MRPL22: variants seen among roughly 807,000 people sequenced by gnomAD.
The protein encoded by MRPL22 is mitochondrial ribosomal protein L22, also known as large ribosomal subunit protein uL22m.
MRPL22 carries 27 observed loss-of-function variants against 32.4 expected under a neutral mutation model. The observed-to-expected ratio is 0.83, with a 90% confidence interval of 0.61 to 1.15. MRPL22 has a LOEUF of 1.15. Among genes scored for constraint, MRPL22 ranks in the 50% most tolerant of loss-of-function variants. MRPL22 has a pLI of 0.00. For missense variants in MRPL22, 239 were observed against 260.2 expected, an observed-to-expected ratio of 0.92 and a Z score of 0.56; for synonymous variants, 86 against 87.3, an observed-to-expected ratio of 0.99 and a Z score of 0.08.
Position 154,964,652 on chromosome 5 carries a change from T to A in MRPL22, c.410-2034T>A, listed in dbSNP as rs141011185. The stretch of plus-strand genomic sequence containing the variant: ...GGCTTTAAGATATGCAGATGATCTT[T>A]TATGGCTTTAAGATGAAATCATGAC... On this transcript the variant is annotated intron_variant, in intron 6 of 6. Transcript: ENST00000523037. Among the ~76,000 whole-genome samples, 541 of 152,340 alleles carry A rather than the reference T, an allele frequency of 3.6e-3. 5 individuals are homozygous for A. The highest frequency in any genetic ancestry group is 0.011 in the African/African-American group (478 of 41,578).
rs1159521665 is a variant in MRPL22, at chr5:154,960,061, A to G, written c.409+12A>G. On this transcript the variant is annotated intron_variant, in intron 6 of 6. Coordinates refer to ENST00000523037, the MANE Select transcript of MRPL22 (RefSeq NM_014180.4). ...CAATTTATATATAGGTAAGATTTTTAATATTCTTAGCATTAGAAAATGTCT... is the reference window on the plus strand; with the variant it reads ...CAATTTATATATAGGTAAGATTTTTGATATTCTTAGCATTAGAAAATGTCT... 1 of 1,569,856 alleles carries G rather than the reference A, an allele frequency of 6.4e-7. No homozygotes were observed. Among genetic ancestry groups the G allele is most frequent in the Non-Finnish European group, 8.8e-7 (1 of 1,141,788 alleles).
At position 154,968,455 on chromosome 5, in the gene MRPL22, A is replaced by T. The variant is rs1764800427; in HGVS notation, c.*1558A>T. Reference sequence around the variant, plus strand: ...CTCTTCCCTTGCTGGCCTCCATTTCATTCATTTATGAAACAAGAGACTCAA... The same window carrying T: ...CTCTTCCCTTGCTGGCCTCCATTTCTTTCATTTATGAAACAAGAGACTCAA... On this transcript the variant is annotated 3_prime_UTR_variant, in exon 7 of 7. Transcript: ENST00000523037. The T allele has an allele frequency of 5.9e-5, 9 of 152,236 alleles. No individual in the cohort carries two copies. The highest frequency in any genetic ancestry group is 5.9e-4 in the Admixed American group (9 of 15,284). 9.4% of individuals were successfully genotyped at this position (152,236 alleles called of 1,614,324 possible). A position where few individuals can be genotyped will look rare whatever the true frequency, so the allele number is the denominator to read the frequency against.
At chr5:154,941,868 C>T (rs1195527479) in intron 2 of MRPL22, among the ~76,000 whole-genome samples, 2 of 152,072 alleles carry the variant, frequency 1.3e-5, no homozygotes, top group African/African-American at 4.8e-5. Context: ...TGTATTTCTC[C>T]CCAAAATAAA....
chr5:154,957,334 T>C, intron 5 of MRPL22, 122 bp downstream of exon 5: 1 of 733,770 alleles, frequency 1.4e-6, no homozygotes. Context: ...AAATGCATAC[T>C]TTATATAATA....
At chr5:154,949,241 T>G (rs1483615241) in intron 2 of MRPL22, among the ~76,000 whole-genome samples, 2 of 152,202 alleles carry the variant, frequency 1.3e-5, no homozygotes, top group Non-Finnish European at 2.9e-5. Flanking sequence ...TCTACACCTC[T>G]TCAGTGGAGA....
chr5:154,956,597 G>T, intron 4 of MRPL22, 161 bp downstream of exon 4: 1 of 574,810 alleles, frequency 1.7e-6, no homozygotes, highest in Non-Finnish European at 3.0e-6. Context: ...AGAGATGTAT[G>T]ATTTTCCTTA....
chr5:154,965,390 T>C (rs1388406571), intron 6 of MRPL22, among the ~76,000 whole-genome samples: 2 of 152,134 alleles, frequency 1.3e-5, no homozygotes, highest in Non-Finnish European at 2.9e-5. Flanking sequence ...CTCTGACTTA[T>C]TGTGGGTGAA....
chr5:154,953,681 C>CT (rs772873962), intron 3 of MRPL22, among the ~76,000 whole-genome samples: 5,618 of 107,014 alleles, frequency 0.052, 324 homozygotes, highest in African/African-American at 0.12. Flanking sequence ...CTAGTAAGAA[C>CT]TTTTTTTTTT....
intron 3 of MRPL22, among the ~76,000 whole-genome samples, chr5:154,952,688 A>T (rs942582481): frequency 2.1e-4 from 32 of 152,206 alleles, no homozygotes; most frequent in African/African-American, 7.7e-4. Flanking sequence ...TAAATACCTA[A>T]CTTACCAGAA....
In MRPL22 at chr5:154,963,231, G is replaced by A. The variant is rs558630046; in HGVS notation, c.409+3182G>A. On this transcript the variant is annotated intron_variant, in intron 6 of 6. Coordinates refer to ENST00000523037, the MANE Select transcript of MRPL22 (RefSeq NM_014180.4). Reference sequence around the variant, plus strand: ...TGGGATTACAGGCGTGAGCCACTGTGCCTGCCCTGAAAATATTGGCAATAT... The same window carrying A: ...TGGGATTACAGGCGTGAGCCACTGTACCTGCCCTGAAAATATTGGCAATAT... 6.4e-4 allele frequency among the ~76,000 whole-genome samples: 98 copies of A among 152,312 alleles called. 1 individual carries two copies. The highest frequency in any genetic ancestry group is 2.3e-3 in the African/African-American group (96 of 41,560).
intron 6 of MRPL22, among the ~76,000 whole-genome samples, chr5:154,961,330 A>C (rs914511050): frequency 2.6e-5 from 4 of 152,212 alleles, no homozygotes; most frequent in Non-Finnish European, 5.9e-5. Context: ...ATAATGTTGG[A>C]GAGGTCTTGG....
rs745779725 is a variant in MRPL22 at position 154,956,268 on chromosome 5, T to C, written c.196-103T>C. On this transcript the variant is annotated intron_variant, in intron 3 of 6. Coordinates refer to ENST00000523037, the MANE Select transcript of MRPL22 (RefSeq NM_014180.4). The stretch of plus-strand genomic sequence containing the variant: ...TCTATTTCTTATGGCAGCATTTTCT[T>C]TAGGCCTAGAAAGTAAAAACTTAAA... The C allele has an allele frequency of 1.2e-4, 84 of 722,200 alleles. 1 individual carries two copies. The highest frequency in any genetic ancestry group is 1.8e-4 in the Non-Finnish European group (76 of 423,086). 44.7% of individuals were successfully genotyped at this position (722,200 alleles called of 1,614,324 possible).
rs775409057 is a variant in MRPL22, at chr5:154,966,799, G to A, written c.523G>A (p.Gly175Arg). Reference sequence around the variant, plus strand: ...CCATTATTTTGTGAAGTTGGTGGAAGGGCCCCCACCTCCACCTGAGCCACC... The same window carrying A: ...CCATTATTTTGTGAAGTTGGTGGAAAGGCCCCCACCTCCACCTGAGCCACC... Reference protein sequence around the residue: ...YCHYFVKLVEGPPPPPEPPKT... With the variant: ...YCHYFVKLVERPPPPPEPPKT... The change falls in exon 7 of 7, where the codon GGG becomes AGG. Residue 175 changes from glycine (G) to arginine (R), a missense_variant. Gly to Arg is a moderately radical substitution (Grantham distance 125, BLOSUM62 -2). Coordinates refer to ENST00000523037, the MANE Select transcript of MRPL22 (RefSeq NM_014180.4). 3.1e-6 allele frequency: 5 copies of A among 1,614,082 alleles called. No individual in the cohort carries two copies. Among genetic ancestry groups the A allele is most frequent in the Non-Finnish European group, 4.2e-6 (5 of 1,180,048 alleles).
At chr5:154,948,415 C>A (rs1764519450) in intron 2 of MRPL22, among the ~76,000 whole-genome samples, 1 of 152,114 alleles carries the variant, frequency 6.6e-6, no homozygotes, top group African/African-American at 2.4e-5. Context: ...TTATTCAACC[C>A]TCTCTTTTTT....
At chr5:154,941,869 C>T (rs1053865164) in intron 2 of MRPL22, among the ~76,000 whole-genome samples, 5 of 152,104 alleles carry the variant, frequency 3.3e-5, no homozygotes, top group Non-Finnish European at 7.3e-5. Flanking sequence ...GTATTTCTCC[C>T]CAAAATAAAA....
chr5:154,941,392 C>A, intron 2 of MRPL22, 127 bp downstream of exon 2: 2 of 1,138,616 alleles, frequency 1.8e-6, no homozygotes, highest in Non-Finnish European at 2.5e-6. Flanking sequence ...AATGAGACAG[C>A]CCGAGTCTCT....
chr5:154,947,288 G>C (rs1012741545), intron 2 of MRPL22, among the ~76,000 whole-genome samples: 2 of 152,210 alleles, frequency 1.3e-5, no homozygotes, highest in African/African-American at 4.8e-5. Flanking sequence ...GCTCGACTCT[G>C]TAGCCTCAGC....
At chr5:154,961,610 A>C (rs1764701712) in intron 6 of MRPL22, among the ~76,000 whole-genome samples, 1 of 152,210 alleles carries the variant, frequency 6.6e-6, no homozygotes, top group Non-Finnish European at 1.5e-5. Flanking sequence ...CTGTTGCTCC[A>C]AATGAAGGAG....
chr5:154,956,480 A>G (rs1209994010), intron 4 of MRPL22, 44 bp downstream of exon 4: 3 of 1,349,240 alleles, frequency 2.2e-6, no homozygotes, highest in Non-Finnish European at 3.1e-6. Context: ...AATTTAGGAA[A>G]GAAGCTATGA....
Sources: allele counts gnomAD v4.1 joint callset (sites outside exome capture counted in the v4.1 genomes callset), GRCh38; gene constraint gnomAD v4.1.1; transcripts MANE v1.5; gene names NCBI Gene and HGNC (gene_info 2026-07-23, HGNC 2026-07-21).